STK32B: variants seen among roughly 807,000 people sequenced by gnomAD.
STK32B encodes the protein serine/threonine-protein kinase 32B.
STK32B carries 43 observed loss-of-function variants against 52.6 expected under a neutral mutation model. That is an observed-to-expected ratio of 0.82 (90% confidence interval 0.64 to 1.05). The LOEUF (loss-of-function observed/expected upper bound fraction) is 1.05, where lower values mean the gene tolerates loss of function less well. Ranked by LOEUF, STK32B falls within the 50% of genes least tolerant of loss-of-function variation. The pLI is 0.00. For missense variants in STK32B, 621 were observed against 534.6 expected, an observed-to-expected ratio of 1.16 and a Z score of -1.59; for synonymous variants, 238 against 204.3, an observed-to-expected ratio of 1.17 and a Z score of -1.41.
At chr4:5,038,800 C>T in the STK32B span, among the ~76,000 whole-genome samples, 1 of 152,088 alleles carries the variant, frequency 6.6e-6, no homozygotes, top group Non-Finnish European at 1.5e-5. Flanking sequence ...ATTTCAGAAA[C>T]TCTGTACACT....
At chr4:5,190,740 C>T (rs572789016) in intron 3 of STK32B, among the ~76,000 whole-genome samples, 21 of 152,164 alleles carry the variant, frequency 1.4e-4, no homozygotes, top group Non-Finnish European at 2.8e-4. Flanking sequence ...TAAGAGGAAC[C>T]TTGCCATCCC....
intron 4 of STK32B, among the ~76,000 whole-genome samples, chr4:5,353,169 T>G (rs1733946843): frequency 6.6e-6 from 1 of 152,136 alleles, no homozygotes. Flanking sequence ...AACACCCTCT[T>G]CAATAAATGG....
intron 3 of STK32B, among the ~76,000 whole-genome samples, chr4:5,325,674 A>T (rs578029780): frequency 7.9e-5 from 12 of 152,340 alleles, no homozygotes; most frequent in Non-Finnish European, 1.5e-4. Context: ...CCAGGCCAGG[A>T]TTTAGGCCTT....
intron 3 of STK32B, among the ~76,000 whole-genome samples, chr4:5,265,389 A>C (rs974199193): frequency 5.3e-5 from 8 of 152,268 alleles, no homozygotes; most frequent in Non-Finnish European, 8.8e-5. Flanking sequence ...TCTCAGACAC[A>C]GAAATGTGAT....
chr4:5,318,832 C>T (rs1731290982), intron 3 of STK32B, among the ~76,000 whole-genome samples: 1 of 151,164 alleles, frequency 6.6e-6, no homozygotes, highest in African/African-American at 2.4e-5. Flanking sequence ...CGGAGTCTTG[C>T]TCTGTCGCCC....
At chr4:5,205,703 C>CGT (rs71169688) in intron 3 of STK32B, among the ~76,000 whole-genome samples, 7,617 of 140,900 alleles carry the variant, frequency 0.054, 225 homozygotes, top group Middle Eastern at 0.1. Context: ...GGCGCGCGCG[C>CGT]GTGTGTGTGT....
rs199771574 is a variant in STK32B, at chr4:5,159,552, AATATAT to A, written c.109-8744_109-8739del. ...ATATATGTATATATGTATATATATG[AATATAT>A]ATGAATGAATATATATGAATATATA... On this transcript the variant is annotated intron_variant, in intron 2 of 11. Transcript: ENST00000282908. Among the ~76,000 whole-genome samples, 87 of 69,274 alleles carry A rather than the reference AATATAT, an allele frequency of 1.3e-3. 5 individuals are homozygous for A. The highest frequency in any genetic ancestry group is 7.0e-4 in the Non-Finnish European group (23 of 33,066). 45.4% of individuals were successfully genotyped at this position (69,274 alleles called of 152,430 possible). A position where few individuals can be genotyped will look rare whatever the true frequency, so the allele number is the denominator to read the frequency against.
the STK32B span, among the ~76,000 whole-genome samples, chr4:5,040,519 G>T: frequency 2.0e-5 from 3 of 150,554 alleles, no homozygotes; most frequent in Non-Finnish European, 4.4e-5. Flanking sequence ...TCAGCTTCCC[G>T]AGTAGCTGGG....
intron 3 of STK32B, among the ~76,000 whole-genome samples, chr4:5,237,235 C>G (rs1278627826): frequency 6.6e-6 from 1 of 152,172 alleles, no homozygotes; most frequent in Non-Finnish European, 1.5e-5. Flanking sequence ...GGGAGGGAGG[C>G]ACCATCTGAT....
At chr4:5,141,244 AGTGCTCTCATACAG>A (rs1206509128) in intron 2 of STK32B, among the ~76,000 whole-genome samples, 1 of 152,236 alleles carries the variant, frequency 6.6e-6, no homozygotes, top group Non-Finnish European at 1.5e-5. Flanking sequence ...TCTGCAGGAC[AGTGCTCTCATACAG>A]GGTGTCAGGG....
chr4:5,399,880 G>A lies in STK32B; in HGVS notation c.472+1636G>A, dbSNP rs531934850. Among the ~76,000 whole-genome samples, 2 of 152,260 alleles carry A rather than the reference G, an allele frequency of 1.3e-5. No homozygotes were observed. The highest frequency in any genetic ancestry group is 4.8e-5 in the African/African-American group (2 of 41,556). On this transcript the variant is annotated intron_variant, in intron 5 of 11. Coordinates refer to ENST00000282908, the MANE Select transcript of STK32B (RefSeq NM_018401.3). This position sits in a 1 kb window ranked among gnomAD's most constrained non-coding sequence, Gnocchi z 5.4. ...CCTTTCTCTGCTCAGGGCCAGGCAA[G>A]GTCAAATCACAGAAGCAGGGTAAAG...
At chr4:5,020,780 A>G in the STK32B span, among the ~76,000 whole-genome samples, 1 of 152,154 alleles carries the variant, frequency 6.6e-6, no homozygotes, top group Non-Finnish European at 1.5e-5. Context: ...TGACTTACAT[A>G]CCAGCAGCCA....
chr4:5,063,180 C>T (rs1742281621), intron 1 of STK32B, among the ~76,000 whole-genome samples: 1 of 152,028 alleles, frequency 6.6e-6, no homozygotes, highest in Admixed American at 6.6e-5. Context: ...AATTGTTTAC[C>T]AACGTGATCA....
chr4:5,110,943 C>T (rs1474996873), intron 1 of STK32B, among the ~76,000 whole-genome samples: 1 of 151,264 alleles, frequency 6.6e-6, no homozygotes, highest in Non-Finnish European at 1.5e-5. Context: ...CCATTAAAAG[C>T]TGGGCAAAAG....
In STK32B at chr4:5,302,011, A is replaced by G. The variant is rs560047795; in HGVS notation, c.261-29209A>G. ...GTTTTTCCCCCATTATTCCTCCATTACTTCTATCCTTTGTGTAATAAAAAC... is the reference window on the plus strand; with the variant it reads ...GTTTTTCCCCCATTATTCCTCCATTGCTTCTATCCTTTGTGTAATAAAAAC... On this transcript the variant is annotated intron_variant, in intron 3 of 11. Coordinates refer to ENST00000282908, the MANE Select transcript of STK32B (RefSeq NM_018401.3). Among the ~76,000 whole-genome samples the G allele has an allele frequency of 4.6e-5, 7 of 150,808 alleles. No homozygotes were observed. The South Asian group carries it at 1.5e-3, about 32-fold the overall frequency.
chr4:5,021,973 T>C, the STK32B span, among the ~76,000 whole-genome samples: 1,062 of 152,114 alleles, frequency 7.0e-3, 8 homozygotes, highest in African/African-American at 0.025. Context: ...GTGGGATGAA[T>C]GGGAAGAACA....
intron 1 of STK32B, among the ~76,000 whole-genome samples, chr4:5,086,199 C>T (rs933896648): frequency 2.6e-5 from 4 of 152,126 alleles, no homozygotes; most frequent in African/African-American, 2.4e-5. Flanking sequence ...GCACCTGCCT[C>T]GAGAAAGACT....
chr4:5,148,752 A>C (rs1041986656), intron 2 of STK32B, among the ~76,000 whole-genome samples: 1 of 151,802 alleles, frequency 6.6e-6, no homozygotes, highest in African/African-American at 2.4e-5. Flanking sequence ...AAAGTAGTTA[A>C]TATTATTCAG....
intron 6 of STK32B, among the ~76,000 whole-genome samples, chr4:5,439,308 G>C (rs1714462813): frequency 6.6e-6 from 1 of 151,564 alleles, no homozygotes; most frequent in African/African-American, 2.4e-5. Context: ...ACTGGTGTGA[G>C]ATGGTATTTC....
Sources: gnomAD v4.1 joint callset for allele counts (sites outside exome capture counted in the v4.1 genomes callset) on GRCh38, gnomAD v4.1.1 for gene constraint, Gnocchi (gnomAD v3.1) non-coding constraint, MANE v1.5 for transcripts, NCBI Gene and HGNC (gene_info 2026-07-23, HGNC 2026-07-21) for gene names.